The following ADAMTS2 variants were observed in gnomAD, a reference collection of about 807,000 sequenced individuals.
ADAMTS2 encodes ADAM metallopeptidase with thrombospondin type 1 motif 2.
Under a neutral mutation model 123.0 loss-of-function variants are expected in ADAMTS2, and 50 were observed. The observed-to-expected ratio is 0.41, with a 90% CI of 0.32 to 0.51. The LOEUF is 0.51. Ranked by LOEUF, ADAMTS2 falls within the 20% of genes least tolerant of loss-of-function variation. The pLI, the probability that ADAMTS2 is intolerant of heterozygous loss-of-function variation, is 0.35. For missense variants in ADAMTS2, 1,494 were observed against 1,705.2 expected, an observed-to-expected ratio of 0.88 and a Z score of 2.18; for synonymous variants, 678 against 695.4, an observed-to-expected ratio of 0.98 and a Z score of 0.39.
At chr5:179,116,661 T>C (rs560546408) in intron 21 of ADAMTS2, among the ~76,000 whole-genome samples, 2 of 152,164 alleles carry the variant, frequency 1.3e-5, no homozygotes, top group African/African-American at 4.8e-5. Context: ...AAAGATAAGG[T>C]ATGAAAAAGA....
chr5:179,245,694 AG>A (rs1456300466), intron 3 of ADAMTS2, among the ~76,000 whole-genome samples: 2 of 126,036 alleles, frequency 1.6e-5, no homozygotes, highest in Non-Finnish European at 3.2e-5. Flanking sequence ...TGAACCCGGG[AG>A]GCGGAGCTTG....
intron 4 of ADAMTS2, among the ~76,000 whole-genome samples, chr5:179,205,824 T>A (rs1408528109): frequency 6.6e-6 from 1 of 151,530 alleles, no homozygotes; most frequent in Non-Finnish European, 1.5e-5. Flanking sequence ...GAGGCTAGAG[T>A]GCAGTGGTGC....
chr5:179,253,003 G>A (rs574600105), intron 3 of ADAMTS2, among the ~76,000 whole-genome samples: 1 of 152,296 alleles, frequency 6.6e-6, no homozygotes, highest in East Asian at 1.9e-4. Flanking sequence ...ACGGTGACCT[G>A]TCTTTCCCCA....
chr5:179,188,215 C>CA lies in ADAMTS2; in HGVS notation c.892-7061dup, dbSNP rs559751827. 1.2e-4 allele frequency among the ~76,000 whole-genome samples: 19 copies of CA among 152,280 alleles called. No individual in the cohort carries two copies. The South Asian group carries it at 1.5e-3, about 12-fold the overall frequency. On this transcript the variant is annotated intron_variant, in intron 4 of 21. Coordinates refer to ENST00000251582, the MANE Select transcript of ADAMTS2 (RefSeq NM_014244.5). This position sits in a 1 kb window ranked among gnomAD's most constrained non-coding sequence, Gnocchi z 5.1. The stretch of plus-strand genomic sequence containing the variant: ...CAGAGGCAGCCTGTGGCCCACCTGG[C>CA]AAAACCATGTCCAGGAGCAAGCCAG...
Position 179,116,970 on chromosome 5 carries a change from G to C in ADAMTS2, c.3179-2646C>G, listed in dbSNP as rs75135766. ...GGCCTGGTACCCAGGGGAGATGCCA[G>C]AAATCAAATCGGAAGATCCTGAGAT... On this transcript the variant is annotated intron_variant, in intron 21 of 21. Coordinates refer to ENST00000251582, the MANE Select transcript of ADAMTS2 (RefSeq NM_014244.5). Among the ~76,000 whole-genome samples the C allele has an allele frequency of 9.1e-3, 1,383 of 152,332 alleles. 20 individuals are homozygous for C. The highest frequency in any genetic ancestry group is 0.03 in the African/African-American group (1,263 of 41,564).
intron 3 of ADAMTS2, among the ~76,000 whole-genome samples, chr5:179,218,741 CG>C (rs1274446412): frequency 7.9e-5 from 12 of 152,046 alleles, no homozygotes; most frequent in Non-Finnish European, 1.5e-4. Context: ...TAAACTCCCA[CG>C]GGATGGGCTG....
chr5:179,139,015 C>A (rs566053975), intron 11 of ADAMTS2, among the ~76,000 whole-genome samples: 49 of 152,344 alleles, frequency 3.2e-4, no homozygotes, highest in South Asian at 1.0e-3. Flanking sequence ...TACAGATTGT[C>A]AATATTTTCA....
intron 6 of ADAMTS2, among the ~76,000 whole-genome samples, chr5:179,156,961 CTTTTTTTTTT>C (rs70997667): frequency 9.2e-6 from 1 of 108,342 alleles, no homozygotes; most frequent in East Asian, 2.8e-4. Context: ...TTCATTTTTT[CTTTTTTTTTT>C]TTTTTTTTTT....
intron 2 of ADAMTS2, among the ~76,000 whole-genome samples, chr5:179,335,954 A>C (rs1255621936): frequency 2.0e-5 from 3 of 152,236 alleles, no homozygotes; most frequent in Admixed American, 6.5e-5. Context: ...GGGTTTTCAA[A>C]GGAAAAATAC....
chr5:179,127,324 A>G (rs1401359173), intron 17 of ADAMTS2, among the ~76,000 whole-genome samples: 1 of 152,118 alleles, frequency 6.6e-6, no homozygotes, highest in Admixed American at 6.5e-5. Context: ...TGGGCCAGGG[A>G]GTGACCCCAC....
In ADAMTS2 at chr5:179,189,958, G is replaced by C. The variant is rs952056723; in HGVS notation, c.892-8803C>G. Among the ~76,000 whole-genome samples the C allele has an allele frequency of 6.6e-6, 1 of 152,080 alleles. No individual in the cohort carries two copies. The highest frequency in any genetic ancestry group is 1.5e-5 in the Non-Finnish European group (1 of 68,030). Reference sequence around the variant, plus strand: ...ACCCCAAGGGCGGAGAGGGTGTATTGTTCACAAATTCAATTGATTGATCAG... The same window carrying C: ...ACCCCAAGGGCGGAGAGGGTGTATTCTTCACAAATTCAATTGATTGATCAG... On this transcript the variant is annotated intron_variant, in intron 4 of 21. Transcript: ENST00000251582. The surrounding 1 kb of genome is among the most constrained non-coding windows in gnomAD (Gnocchi z 4.2).
rs752222373 is a variant in ADAMTS2 at position 179,126,034 on chromosome 5, C to T, written c.2714G>A (p.Arg905His). ...CAALSKPKAI[R>H]RACNPQECSQ... ...GCATTCCTGTGGGTTGCACGCTCTGCGGATGGCTTTGGGCTTCGAGAGGGC... is the reference window on the plus strand; with the variant it reads ...GCATTCCTGTGGGTTGCACGCTCTGTGGATGGCTTTGGGCTTCGAGAGGGC... Residue 905 changes from arginine (R) to histidine (H), a missense_variant, in exon 18 of 22, where the codon CGC (arginine) becomes CAC (histidine). Around this residue, in one of 6 missense-constraint regions of ADAMTS2, gnomAD observed 953 missense variants for 1,124.7 expected, o/e 0.85. Coordinates refer to ENST00000251582, the MANE Select transcript of ADAMTS2 (RefSeq NM_014244.5). The T allele has an allele frequency of 1.4e-5, 23 of 1,613,424 alleles. No homozygotes were observed. Among genetic ancestry groups the T allele is most frequent in the Admixed American group, 3.3e-5 (2 of 60,038 alleles).
At chr5:179,166,996 C>G (rs985972403) in intron 5 of ADAMTS2, among the ~76,000 whole-genome samples, 7 of 152,190 alleles carry the variant, frequency 4.6e-5, no homozygotes, top group Non-Finnish European at 8.8e-5. Flanking sequence ...GGGAGGGAGG[C>G]GCCGGCTGCG....
intron 2 of ADAMTS2, among the ~76,000 whole-genome samples, chr5:179,292,184 G>T (rs71611484): frequency 1.3e-5 from 2 of 151,834 alleles, no homozygotes; most frequent in African/African-American, 4.8e-5. Context: ...CGGCATTCCC[G>T]GGGGCAGAGA....
At chr5:179,286,701 T>C (rs2004861) in intron 2 of ADAMTS2, among the ~76,000 whole-genome samples, 5,516 of 152,222 alleles carry the variant, frequency 0.036, 322 homozygotes, top group African/African-American at 0.12. Flanking sequence ...TTCCCTAGGT[T>C]GCTCGGGCAG....
intron 4 of ADAMTS2, among the ~76,000 whole-genome samples, chr5:179,186,381 T>C (rs1764170307): frequency 6.6e-6 from 1 of 152,102 alleles, no homozygotes; most frequent in African/African-American, 2.4e-5. Context: ...ATATGATACA[T>C]CAGGAACAGA....
Position 179,121,725 on chromosome 5 carries a change from C to A in ADAMTS2, c.3114G>T (p.Lys1038Asn). 1 of 1,589,436 alleles carries A rather than the reference C, an allele frequency of 6.3e-7. No homozygotes were observed. The highest frequency in any genetic ancestry group is 1.2e-5 in the South Asian group (1 of 86,796). Residue 1038 changes from lysine to asparagine, a missense_variant, in exon 21 of 22, where the codon AAG becomes AAT. Transcript: ENST00000251582. ...CPRNISDPSK[K>N]SYVVQWLSRP... ...GGGACAGCCACTGAACTACGTAGCTCTTCTTGGAGGGATCTGAGATGTTTC... is the reference window on the plus strand; with the variant it reads ...GGGACAGCCACTGAACTACGTAGCTATTCTTGGAGGGATCTGAGATGTTTC...
At chr5:179,305,742 A>G (rs1756649575) in intron 2 of ADAMTS2, among the ~76,000 whole-genome samples, 1 of 152,222 alleles carries the variant, frequency 6.6e-6, no homozygotes, top group Non-Finnish European at 1.5e-5. Context: ...GTGAGACTGA[A>G]GAAGAGAAAC....
chr5:179,314,407 C>A lies in ADAMTS2; in HGVS notation c.534+29360G>T, dbSNP rs112639528. On this transcript the variant is annotated intron_variant, in intron 2 of 21. Coordinates refer to ENST00000251582, the MANE Select transcript of ADAMTS2 (RefSeq NM_014244.5). The surrounding 1 kb of genome is among the most constrained non-coding windows in gnomAD (Gnocchi z 4.5). ...GAGTGCAGGGAGCGGCAAGGCCAGGCTCCTCCCCACCCCGTGGCGTGGCGT... is the reference window on the plus strand; with the variant it reads ...GAGTGCAGGGAGCGGCAAGGCCAGGATCCTCCCCACCCCGTGGCGTGGCGT... Among the ~76,000 whole-genome samples, 2 of 152,058 alleles carry A rather than the reference C, an allele frequency of 1.3e-5. No individual in the cohort carries two copies. The highest frequency in any genetic ancestry group is 2.4e-5 in the African/African-American group (1 of 41,302).
Sources: gnomAD v4.1 joint callset for allele counts (sites outside exome capture counted in the v4.1 genomes callset) on GRCh38, gnomAD v4.1.1 for gene constraint, gnomAD v4.1.1 regional missense constraint, Gnocchi (gnomAD v3.1) non-coding constraint, MANE v1.5 for transcripts, NCBI Gene and HGNC (gene_info 2026-07-23, HGNC 2026-07-21) for gene names.